The following GMDS variants were observed in gnomAD, a reference collection of about 807,000 sequenced individuals.
GMDS encodes the protein GDP-mannose 4,6-dehydratase.
In GMDS, 20 loss-of-function variants were observed where a neutral mutation model predicts 49.9. The observed-to-expected ratio is 0.40, with a 90% confidence interval of 0.28 to 0.58. GMDS has a LOEUF of 0.58. Ranked by LOEUF, GMDS falls within the 20% of genes least tolerant of loss-of-function variation. The probability of loss-of-function intolerance (pLI) is 0.42; values close to 1 mark genes in which losing one functional copy is unlikely to be tolerated. For missense variants in GMDS, 362 were observed against 481.4 expected (o/e 0.75, Z 2.32); for synonymous variants, 177 against 178.6 (o/e 0.99, Z 0.07).
At chr6:1,941,069 TA>T (rs60798013) in intron 6 of GMDS, among the ~76,000 whole-genome samples, 98,232 of 150,256 alleles carry the variant, frequency 0.65, 31,929 homozygotes, top group East Asian at 0.83. Context: ...ATCCCCAAAA[TA>T]AAAAAAAAAA....
chr6:2,193,720 A>ATT (rs35997013), intron 1 of GMDS, among the ~76,000 whole-genome samples: 2,972 of 111,660 alleles, frequency 0.027, 174 homozygotes, highest in African/African-American at 0.077. Flanking sequence ...TGAAAATGCT[A>ATT]TTTTTTTTTT....
chr6:1,906,854 C>T (rs1050593328), intron 7 of GMDS, among the ~76,000 whole-genome samples: 5 of 152,198 alleles, frequency 3.3e-5, no homozygotes, highest in African/African-American at 7.2e-5. Context: ...GCTGCAAGGT[C>T]CTTTTCACCA....
At chr6:2,176,753 G>A (rs1778301996) in intron 1 of GMDS, among the ~76,000 whole-genome samples, 1 of 152,110 alleles carries the variant, frequency 6.6e-6, no homozygotes, top group Non-Finnish European at 1.5e-5. Context: ...AGTGGGAATT[G>A]GCCCAGAAGT....
At chr6:1,886,993 C>T (rs1223536965) in intron 7 of GMDS, among the ~76,000 whole-genome samples, 1 of 152,132 alleles carries the variant, frequency 6.6e-6, no homozygotes, top group African/African-American at 2.4e-5. Context: ...TACAGATGTT[C>T]TCATTTATTC....
At chr6:1,691,356 C>T (rs139101267) in intron 9 of GMDS, among the ~76,000 whole-genome samples, 7 of 144,500 alleles carry the variant, frequency 4.8e-5, no homozygotes, top group African/African-American at 1.8e-4. Context: ...GGGCCTGTTG[C>T]GGGGGGTGTG....
chr6:1,985,650 AAAC>A (rs1285026805), intron 4 of GMDS, among the ~76,000 whole-genome samples: 1 of 152,216 alleles, frequency 6.6e-6, no homozygotes, highest in Non-Finnish European at 1.5e-5. Context: ...TAAAACATTC[AAAC>A]AACAAAACTA....
chr6:1,939,024 T>C (rs976810292), intron 6 of GMDS, among the ~76,000 whole-genome samples: 4 of 145,550 alleles, frequency 2.7e-5, no homozygotes, highest in Non-Finnish European at 6.0e-5. Context: ...CTCTCTCTCT[T>C]TCTTTTTTGG....
intron 7 of GMDS, among the ~76,000 whole-genome samples, chr6:1,858,975 A>G (rs1040606593): frequency 2.7e-5 from 4 of 150,706 alleles, no homozygotes; most frequent in African/African-American, 9.8e-5. Flanking sequence ...TGGGGGGGGC[A>G]GGCACTTAAC....
chr6:2,002,336 C>T (rs530328216), intron 4 of GMDS, among the ~76,000 whole-genome samples: 1 of 152,266 alleles, frequency 6.6e-6, no homozygotes, highest in African/African-American at 2.4e-5. Context: ...CAGGTGGTGG[C>T]AAACACTACA....
intron 4 of GMDS, among the ~76,000 whole-genome samples, chr6:2,056,685 C>T (rs1770796983): frequency 6.6e-6 from 1 of 152,168 alleles, no homozygotes; most frequent in Non-Finnish European, 1.5e-5. Flanking sequence ...GAGATATGCA[C>T]ATACTTTAAT....
chr6:1,703,226 C>T (rs1240439608), intron 9 of GMDS, among the ~76,000 whole-genome samples: 1 of 152,118 alleles, frequency 6.6e-6, no homozygotes, highest in Non-Finnish European at 1.5e-5. Context: ...GGGGTGTGCT[C>T]ACTTTGTTCT....
chr6:1,962,008 A>T lies in GMDS; in HGVS notation c.346-1042T>A, dbSNP rs577674457. ...AAAAGAAAAAAAGTATGTTTCATCC[A>T]CAGTCTTTCAAAGGTAAGAAAGCAA... On this transcript the variant is annotated intron_variant, in intron 4 of 10. Transcript: ENST00000380815. Among the ~76,000 whole-genome samples the T allele has an allele frequency of 4.6e-5, 7 of 152,346 alleles. No individual in the cohort carries two copies. In the South Asian group the frequency reaches 1.5e-3, roughly 32 times the overall value.
At chr6:2,055,777 A>G (rs1034463894) in intron 4 of GMDS, among the ~76,000 whole-genome samples, 1 of 152,106 alleles carries the variant, frequency 6.6e-6, no homozygotes, top group South Asian at 2.1e-4. Context: ...GTTTAGAGTC[A>G]AGTGTGTTTA....
chr6:1,740,649 C>T (rs564851190), intron 8 of GMDS, among the ~76,000 whole-genome samples: 1 of 150,430 alleles, frequency 6.6e-6, no homozygotes, highest in South Asian at 2.1e-4. Context: ...ATAATCAATC[C>T]AACAATGCAT....
intron 9 of GMDS, among the ~76,000 whole-genome samples, chr6:1,689,953 T>C (rs1479082941): frequency 2.0e-5 from 3 of 152,146 alleles, no homozygotes; most frequent in African/African-American, 4.8e-5. Context: ...ATTGCTTTTA[T>C]TAATCAAAAT....
At chr6:2,147,114 A>C (rs1339045993) in intron 1 of GMDS, among the ~76,000 whole-genome samples, 1 of 152,190 alleles carries the variant, frequency 6.6e-6, no homozygotes, top group Non-Finnish European at 1.5e-5. Context: ...TTGATTCTTA[A>C]ACTCAAGATG....
chr6:2,020,848 GATTT>G (rs1395229236), intron 4 of GMDS, among the ~76,000 whole-genome samples: 5 of 152,212 alleles, frequency 3.3e-5, no homozygotes, highest in African/African-American at 9.6e-5. Context: ...TACATCATTA[GATTT>G]ATTGTTTCTG....
At chr6:1,955,434 C>T (rs1763578275) in intron 6 of GMDS, among the ~76,000 whole-genome samples, 1 of 152,100 alleles carries the variant, frequency 6.6e-6, no homozygotes, top group African/African-American at 2.4e-5. Flanking sequence ...AAAACATATA[C>T]TACTATATAC....
At chr6:1,914,226 G>A (rs1761248907) in intron 7 of GMDS, among the ~76,000 whole-genome samples, 1 of 149,950 alleles carries the variant, frequency 6.7e-6, no homozygotes, top group Admixed American at 6.6e-5. Context: ...GGAGGCTGAG[G>A]CCGGGGTATC....
Sources: gnomAD v4.1 joint callset for allele counts (sites outside exome capture counted in the v4.1 genomes callset) on GRCh38, gnomAD v4.1.1 for gene constraint, MANE v1.5 for transcripts, NCBI Gene and HGNC (gene_info 2026-07-23, HGNC 2026-07-21) for gene names.